Variants in ADAMTS2 observed in about 807,000 individuals in gnomAD.
ADAMTS2 encodes the protein ADAM metallopeptidase with thrombospondin type 1 motif 2.
Under a neutral mutation model 123.0 loss-of-function variants are expected in ADAMTS2, and 50 were observed. The observed-to-expected ratio is 0.41, with a 90% CI of 0.32 to 0.51. ADAMTS2 has a LOEUF of 0.51. Ranked by LOEUF, ADAMTS2 falls within the 20% of genes least tolerant of loss-of-function variation. ADAMTS2 has a pLI of 0.35. For missense variants in ADAMTS2, 1,494 were observed against 1,705.2 expected, an observed-to-expected ratio of 0.88 and a Z score of 2.18; for synonymous variants, 678 against 695.4, an observed-to-expected ratio of 0.98 and a Z score of 0.39.
At chr5:179,192,797 T>C (rs1048969272) in intron 4 of ADAMTS2, among the ~76,000 whole-genome samples, 1 of 152,218 alleles carries the variant, frequency 6.6e-6, no homozygotes, top group African/African-American at 2.4e-5. Flanking sequence ...CCCATCCTGG[T>C]AACTTCCTGG....
At chr5:179,136,656 A>G (rs1763071251) in intron 12 of ADAMTS2, among the ~76,000 whole-genome samples, 3 of 139,096 alleles carry the variant, frequency 2.2e-5, no homozygotes, top group Non-Finnish European at 3.1e-5. Flanking sequence ...TGGGTGACGG[A>G]GCAAGACTCC....
intron 13 of ADAMTS2, among the ~76,000 whole-genome samples, chr5:179,133,998 C>T (rs1763010157): frequency 6.6e-6 from 1 of 152,142 alleles, no homozygotes; most frequent in Admixed American, 6.5e-5. Flanking sequence ...AGGCGTGAGC[C>T]ACCACGCCCA....
Position 179,242,421 on chromosome 5 carries a change from T to C in ADAMTS2, c.688+30490A>G, listed in dbSNP as rs1387539148. On this transcript the variant is annotated intron_variant, in intron 3 of 21. Coordinates refer to ENST00000251582, the MANE Select transcript of ADAMTS2 (RefSeq NM_014244.5). This position sits in a 1 kb window ranked among gnomAD's most constrained non-coding sequence, Gnocchi z 4.2. Reference sequence around the variant, plus strand: ...AAAAAAGATTAGGAATCATCTGCCATGAGAATTCCACTTCTGGAATGGTGG... The same window carrying C: ...AAAAAAGATTAGGAATCATCTGCCACGAGAATTCCACTTCTGGAATGGTGG... 6.6e-6 allele frequency among the ~76,000 whole-genome samples: 1 copy of C among 152,186 alleles called. No individual in the cohort carries two copies. Among genetic ancestry groups the C allele is most frequent in the African/African-American group, 2.4e-5 (1 of 41,436 alleles).
chr5:179,118,271 A>T lies in ADAMTS2; in HGVS notation c.3178+3390T>A, dbSNP rs1762697958. Reference sequence around the variant, plus strand: ...AGTCATCATGACCAACTGATCTTAAAGATGCCCCAGGTTTGTACATTTTTA... The same window carrying T: ...AGTCATCATGACCAACTGATCTTAATGATGCCCCAGGTTTGTACATTTTTA... On this transcript the variant is annotated intron_variant, in intron 21 of 21. Coordinates refer to ENST00000251582, the MANE Select transcript of ADAMTS2 (RefSeq NM_014244.5). This position sits in a 1 kb window ranked among gnomAD's most constrained non-coding sequence, Gnocchi z 4.5. Among the ~76,000 whole-genome samples the T allele has an allele frequency of 6.6e-6, 1 of 152,252 alleles. No individual in the cohort carries two copies. The highest frequency in any genetic ancestry group is 2.4e-5 in the African/African-American group (1 of 41,464).
In ADAMTS2 at chr5:179,235,192, CTCA is replaced by C. The variant is rs1190475783; in HGVS notation, c.689-27480_689-27478del. On this transcript the variant is annotated intron_variant, in intron 3 of 21. Transcript: ENST00000251582. ...ACCACTGATCATGCAGAAGTATAAG[CTCA>C]CCAGTTTCCAAGTCCCCTAACCAGA... Among the ~76,000 whole-genome samples the C allele has an allele frequency of 7.9e-5, 12 of 152,342 alleles. No homozygotes were observed. The South Asian group carries it at 2.5e-3, about 32-fold the overall frequency.
intron 2 of ADAMTS2, among the ~76,000 whole-genome samples, chr5:179,302,448 A>G (rs111523691): frequency 1.1e-3 from 168 of 149,998 alleles, no homozygotes; most frequent in Non-Finnish European, 1.9e-3. Flanking sequence ...AAACTGCAGC[A>G]AGATTCTCTG....
At chr5:179,229,803 T>C (rs1169786720) in intron 3 of ADAMTS2, among the ~76,000 whole-genome samples, 2 of 152,170 alleles carry the variant, frequency 1.3e-5, no homozygotes. Flanking sequence ...CCTAAGTACC[T>C]TATGGGAAAT....
chr5:179,150,618 C>T (rs1401141181), intron 10 of ADAMTS2, among the ~76,000 whole-genome samples: 1 of 152,150 alleles, frequency 6.6e-6, no homozygotes, highest in Admixed American at 6.5e-5. Context: ...GGATAGATGC[C>T]ACACAGGATG....
chr5:179,331,125 T>C (rs1387136381), intron 2 of ADAMTS2, among the ~76,000 whole-genome samples: 1 of 151,266 alleles, frequency 6.6e-6, no homozygotes, highest in East Asian at 2.0e-4. Flanking sequence ...GTTCCCAGAA[T>C]GTACCAGGAA....
At chr5:179,144,001 T>C (rs952941235) in intron 10 of ADAMTS2, among the ~76,000 whole-genome samples, 3 of 152,188 alleles carry the variant, frequency 2.0e-5, no homozygotes, top group African/African-American at 7.2e-5. Context: ...TTATCTTTAT[T>C]TTCAGACAAA....
intron 2 of ADAMTS2, among the ~76,000 whole-genome samples, chr5:179,333,911 G>A (rs1757543103): frequency 6.6e-6 from 1 of 152,160 alleles, no homozygotes; most frequent in African/African-American, 2.4e-5. Context: ...TTCTTCTAAG[G>A]AGGGAAATGT....
chr5:179,309,601 C>CA (rs1306035197), intron 2 of ADAMTS2, among the ~76,000 whole-genome samples: 22 of 151,304 alleles, frequency 1.5e-4, no homozygotes, highest in Admixed American at 8.5e-4. Context: ...ACTAAAAATA[C>CA]AAAAAAAATA....
chr5:179,281,511 T>C (rs897758432), intron 2 of ADAMTS2, among the ~76,000 whole-genome samples: 3 of 152,258 alleles, frequency 2.0e-5, no homozygotes, highest in South Asian at 2.1e-4. Context: ...GTGTAGCATA[T>C]AGCAGTATTT....
intron 2 of ADAMTS2, among the ~76,000 whole-genome samples, chr5:179,316,324 G>A (rs1326558294): frequency 1.3e-5 from 2 of 152,238 alleles, no homozygotes; most frequent in Non-Finnish European, 2.9e-5. Flanking sequence ...GGCAGGGACA[G>A]AGGCCACACC....
chr5:179,157,096 T>G (rs1428153313), intron 6 of ADAMTS2, among the ~76,000 whole-genome samples: 1 of 151,780 alleles, frequency 6.6e-6, no homozygotes, highest in Non-Finnish European at 1.5e-5. Context: ...CCTGAGTAGC[T>G]GGGATTACAG....
intron 12 of ADAMTS2, among the ~76,000 whole-genome samples, chr5:179,137,238 G>C (rs1356664195): frequency 6.6e-6 from 1 of 152,220 alleles, no homozygotes; most frequent in Non-Finnish European, 1.5e-5. Context: ...TGTGTTTACA[G>C]TCCGTCCCAG....
chr5:179,161,195 T>C lies in ADAMTS2; in HGVS notation c.976-2316A>G, dbSNP rs535431993. Among the ~76,000 whole-genome samples the C allele has an allele frequency of 7.2e-5, 11 of 152,328 alleles. No individual in the cohort carries two copies. The East Asian group carries it at 2.1e-3, about 29-fold the overall frequency. ...CTCATCTCGAGTCCCTGCCAGGTAGTATCCGCCTCTGGGTAGCCTTGAGAG... is the reference window on the plus strand; with the variant it reads ...CTCATCTCGAGTCCCTGCCAGGTAGCATCCGCCTCTGGGTAGCCTTGAGAG... On this transcript the variant is annotated intron_variant, in intron 5 of 21. Transcript: ENST00000251582.
intron 10 of ADAMTS2, among the ~76,000 whole-genome samples, chr5:179,140,526 T>C (rs1763145794): frequency 6.6e-6 from 1 of 152,222 alleles, no homozygotes; most frequent in African/African-American, 2.4e-5. Flanking sequence ...TGCTGGCATG[T>C]AGGAAAAATG....
Position 179,314,552 on chromosome 5 carries a change from C to T in ADAMTS2, c.534+29215G>A, listed in dbSNP as rs1227898140. ...CCACAGCGCTCCTGCCTCTGCAGCCCCCCGGGCCGTGTCTCTCTCTCACGG... is the reference window on the plus strand; with the variant it reads ...CCACAGCGCTCCTGCCTCTGCAGCCTCCCGGGCCGTGTCTCTCTCTCACGG... On this transcript the variant is annotated intron_variant, in intron 2 of 21. Transcript: ENST00000251582. The surrounding 1 kb of genome is among the most constrained non-coding windows in gnomAD (Gnocchi z 4.5). Among the ~76,000 whole-genome samples, 3 of 152,208 alleles carry T rather than the reference C, an allele frequency of 2.0e-5. No individual in the cohort carries two copies. Among genetic ancestry groups the T allele is most frequent in the South Asian group, 2.1e-4 (1 of 4,834 alleles).
Sources: allele counts gnomAD v4.1 joint callset (sites outside exome capture counted in the v4.1 genomes callset), GRCh38; gene constraint gnomAD v4.1.1; non-coding constraint Gnocchi (gnomAD v3.1); transcripts MANE v1.5; gene names NCBI Gene and HGNC (gene_info 2026-07-23, HGNC 2026-07-21).